Variants in ACYP2 observed in about 807,000 individuals in gnomAD.
ACYP2 encodes acylphosphatase-2.
ACYP2 carries 12 observed loss-of-function variants against 11.2 expected under a neutral mutation model. The ratio of observed to expected loss-of-function variants is 1.08; its 90% CI spans 0.69 to 1.74. The LOEUF (loss-of-function observed/expected upper bound fraction) is 1.74. Among genes scored for constraint, ACYP2 ranks in the 40% most tolerant of loss-of-function variants. The probability of loss-of-function intolerance (pLI) is 0.00; values close to 1 mark genes in which losing one functional copy is unlikely to be tolerated. For missense variants in ACYP2, 134 were observed against 101.9 expected (o/e 1.31, Z -1.35); for synonymous variants, 43 against 32.2 (o/e 1.33, Z -1.13).
chr2:54,235,389 C>T (rs909246291), intron 6 of ACYP2, among the ~76,000 whole-genome samples: 1 of 152,106 alleles, frequency 6.6e-6, no homozygotes, highest in African/African-American at 2.4e-5. Flanking sequence ...CGCTCTGTCA[C>T]CCAGGCTGGA....
chr2:54,205,718 C>G (rs577555790), intron 6 of ACYP2, among the ~76,000 whole-genome samples: 13 of 152,238 alleles, frequency 8.5e-5, no homozygotes, highest in Middle Eastern at 3.4e-3. Context: ...TTATAAATCC[C>G]TTTTCTGAAA....
At chr2:54,044,373 T>G (rs1421631001) in intron 2 of ACYP2, among the ~76,000 whole-genome samples, 1 of 151,270 alleles carries the variant, frequency 6.6e-6, no homozygotes, top group Non-Finnish European at 1.5e-5. Flanking sequence ...GGCGGGTAGA[T>G]CACTTGGGAC....
At chr2:54,014,608 A>C (rs940165035) in intron 2 of ACYP2, among the ~76,000 whole-genome samples, 2 of 152,136 alleles carry the variant, frequency 1.3e-5, no homozygotes, top group Non-Finnish European at 2.9e-5. Context: ...GGCTTGAGCC[A>C]CCGCTCCCAG....
chr2:54,115,813 G>A lies in ACYP2; in HGVS notation c.278-19640G>A, dbSNP rs988972454. The A allele has an allele frequency of 2.6e-5, 39 of 1,492,696 alleles. No homozygotes were observed. In the African/African-American group the frequency reaches 4.1e-4, roughly 16 times the overall value. 92.5% of individuals were successfully genotyped at this position (1,492,696 alleles called of 1,614,324 possible). ...AAGGTTATGGGAGGAAGGGGAGAAA[G>A]CTGTGAGAAGCGCCTCCCACCTAAA... On this transcript the variant is annotated intron_variant, in intron 4 of 6. Transcript: ENST00000607452.
At chr2:54,074,933 C>T (rs1677249089) in intron 4 of ACYP2, among the ~76,000 whole-genome samples, 1 of 152,150 alleles carries the variant, frequency 6.6e-6, no homozygotes, top group Non-Finnish European at 1.5e-5. Flanking sequence ...ACCCAAAATA[C>T]CCCCACAGTA....
intron 6 of ACYP2, among the ~76,000 whole-genome samples, chr2:54,291,711 G>A (rs1024720668): frequency 1.6e-4 from 25 of 152,258 alleles, no homozygotes; most frequent in Non-Finnish European, 2.6e-4. Context: ...CATGTGGCTC[G>A]GGGGCCAACA....
intron 2 of ACYP2, among the ~76,000 whole-genome samples, chr2:54,020,167 T>A (rs569027857): frequency 1.6e-4 from 25 of 152,060 alleles, no homozygotes; most frequent in Non-Finnish European, 3.2e-4. Context: ...GAATTCCTGA[T>A]CTCAGGTGAT....
intron 6 of ACYP2, among the ~76,000 whole-genome samples, chr2:54,257,567 G>C (rs1049196955): frequency 3.9e-5 from 6 of 152,052 alleles, no homozygotes; most frequent in Admixed American, 2.6e-4. Context: ...ATATATAAAA[G>C]ACCAATAGAA....
chr2:54,246,403 T>C (rs1238582342), intron 6 of ACYP2, among the ~76,000 whole-genome samples: 1 of 152,154 alleles, frequency 6.6e-6, no homozygotes, highest in Non-Finnish European at 1.5e-5. Context: ...TGTACAAGTC[T>C]TTGTGTCTTC....
intron 6 of ACYP2, among the ~76,000 whole-genome samples, chr2:54,278,834 A>G (rs1688726790): frequency 6.6e-6 from 1 of 152,218 alleles, no homozygotes; most frequent in Non-Finnish European, 1.5e-5. Flanking sequence ...GAAAGGAACT[A>G]AATAATGTCA....
intron 6 of ACYP2, among the ~76,000 whole-genome samples, chr2:54,218,537 T>C (rs775694655): frequency 6.6e-6 from 1 of 152,212 alleles, no homozygotes; most frequent in Non-Finnish European, 1.5e-5. Flanking sequence ...AAAATTTTTA[T>C]TCATAAAAGT....
chr2:54,134,912 T>G (rs1681132085), intron 4 of ACYP2, among the ~76,000 whole-genome samples: 1 of 152,246 alleles, frequency 6.6e-6, no homozygotes, highest in Admixed American at 6.5e-5. Context: ...TTCTTCTTCC[T>G]TCTTCACAGT....
At chr2:54,069,684 A>T (rs1369366130) in intron 4 of ACYP2, among the ~76,000 whole-genome samples, 2 of 152,078 alleles carry the variant, frequency 1.3e-5, no homozygotes, top group Admixed American at 6.5e-5. Flanking sequence ...AACAAAAAAA[A>T]CAAAAACAAA....
chr2:54,101,850 C>T (rs897387537), intron 4 of ACYP2, among the ~76,000 whole-genome samples: 3 of 152,030 alleles, frequency 2.0e-5, no homozygotes, highest in Non-Finnish European at 4.4e-5. Context: ...CATCCCCCTC[C>T]GACATATTTT....
At chr2:53,994,925 C>T (rs969707301) in intron 2 of ACYP2, among the ~76,000 whole-genome samples, 5 of 152,220 alleles carry the variant, frequency 3.3e-5, no homozygotes, top group Middle Eastern at 6.8e-3. Context: ...TGTCATGTAG[C>T]GTTTCCGTTA....
intron 4 of ACYP2, among the ~76,000 whole-genome samples, chr2:54,113,340 A>G (rs1015420742): frequency 5.9e-5 from 9 of 151,622 alleles, no homozygotes; most frequent in Non-Finnish European, 1.0e-4. Context: ...CCTGGGCAAA[A>G]GTGATCCTAC....
intron 2 of ACYP2, among the ~76,000 whole-genome samples, chr2:54,030,329 A>G (rs1674516779): frequency 6.6e-6 from 1 of 152,214 alleles, no homozygotes; most frequent in East Asian, 1.9e-4. Flanking sequence ...TCCTGGCACA[A>G]GGAATGTATG....
At chr2:53,983,505 CAAAAA>C (rs1317433783) in intron 2 of ACYP2, among the ~76,000 whole-genome samples, 1 of 151,578 alleles carries the variant, frequency 6.6e-6, no homozygotes, top group Non-Finnish European at 1.5e-5. Flanking sequence ...GACCCTGTCT[CAAAAA>C]AGAAAAGAAA....
chr2:54,302,730 C>T (rs1689775141), intron 6 of ACYP2, among the ~76,000 whole-genome samples: 1 of 152,128 alleles, frequency 6.6e-6, no homozygotes, highest in Non-Finnish European at 1.5e-5. Flanking sequence ...CCAAAATCTG[C>T]TCCTCTCACA....
Sources: gnomAD v4.1 joint callset for allele counts (sites outside exome capture counted in the v4.1 genomes callset) on GRCh38, gnomAD v4.1.1 for gene constraint, MANE v1.5 for transcripts, NCBI Gene and HGNC (gene_info 2026-07-23, HGNC 2026-07-21) for gene names.